ERBB4: variants seen among roughly 807,000 people sequenced by gnomAD.
ERBB4 encodes receptor tyrosine-protein kinase erbB-4.
A neutral mutation model predicts 158.0 loss-of-function variants in ERBB4; 42 were observed. The observed-to-expected ratio is 0.27, with a 90% CI of 0.21 to 0.34. ERBB4 has a LOEUF of 0.34. Ranked by LOEUF, ERBB4 falls within the 10% of genes least tolerant of loss-of-function variation. ERBB4 has a pLI of 1.00. For synonymous variants in ERBB4, 583 were observed against 558.7 expected (o/e 1.04, Z -0.61); for missense variants, 1,333 against 1,624.1 (o/e 0.82, Z 3.08).
intron 3 of ERBB4, among the ~76,000 whole-genome samples, chr2:211,943,750 G>A (rs1229265115): frequency 6.6e-6 from 1 of 152,014 alleles, no homozygotes; most frequent in Non-Finnish European, 1.5e-5. Flanking sequence ...CAGAAAAATA[G>A]GTTTAAATCC....
intron 4 of ERBB4, among the ~76,000 whole-genome samples, chr2:211,782,708 C>T (rs559181249): frequency 6.6e-6 from 1 of 152,232 alleles, no homozygotes; most frequent in African/African-American, 2.4e-5. Flanking sequence ...TTTCTGAGGG[C>T]TCTGTTCTGT....
chr2:212,171,364 C>A (rs1287718341), intron 1 of ERBB4, among the ~76,000 whole-genome samples: 1 of 151,424 alleles, frequency 6.6e-6, no homozygotes, highest in Non-Finnish European at 1.5e-5. Flanking sequence ...AGGCAGAGTA[C>A]TTGCCTTGTC....
intron 3 of ERBB4, among the ~76,000 whole-genome samples, chr2:211,812,834 A>G (rs1392467527): frequency 6.6e-6 from 1 of 152,168 alleles, no homozygotes; most frequent in Non-Finnish European, 1.5e-5. Flanking sequence ...CTCTGTGGGC[A>G]TGGGACCCAC....
chr2:211,450,397 G>A (rs2064215858), intron 20 of ERBB4, among the ~76,000 whole-genome samples: 1 of 152,114 alleles, frequency 6.6e-6, no homozygotes, highest in Non-Finnish European at 1.5e-5. Flanking sequence ...AATCTCATTG[G>A]CTACAGTGTG....
chr2:212,238,988 C>T lies in ERBB4; in HGVS notation c.83-114085G>A, dbSNP rs13388409. ...GGAGTCTGGGCTTCAAGTTCTGGTT[C>T]AGTTCAAACACTTATTAATTAATGG... On this transcript the variant is annotated intron_variant, in intron 1 of 27. Transcript: ENST00000342788. Among the ~76,000 whole-genome samples the T allele has an allele frequency of 1.3e-3, 196 of 152,244 alleles. 1 individual carries two copies. The highest frequency in any genetic ancestry group is 2.5e-3 in the Non-Finnish European group (170 of 68,010).
At chr2:211,515,900 A>G (rs1039903950) in intron 20 of ERBB4, among the ~76,000 whole-genome samples, 9 of 87,306 alleles carry the variant, frequency 1.0e-4, no homozygotes, top group Admixed American at 5.8e-4. Context: ...CATATATTAT[A>G]TATATATATA....
chr2:211,600,781 T>G (rs1022061157), intron 19 of ERBB4, among the ~76,000 whole-genome samples: 30 of 152,136 alleles, frequency 2.0e-4, no homozygotes, highest in Admixed American at 6.5e-5. Flanking sequence ...TGGTTTTTTT[T>G]GAATGTCCAC....
chr2:211,550,562 C>T (rs2067060806), intron 20 of ERBB4, among the ~76,000 whole-genome samples: 1 of 134,636 alleles, frequency 7.4e-6, no homozygotes, highest in Non-Finnish European at 1.6e-5. Flanking sequence ...ATCTCATGAG[C>T]TCATTCCTTA....
intron 2 of ERBB4, among the ~76,000 whole-genome samples, chr2:212,033,365 TG>T (rs2076945173): frequency 6.6e-6 from 1 of 151,942 alleles, no homozygotes; most frequent in African/African-American, 2.4e-5. Flanking sequence ...TATTAAATTT[TG>T]TAATGCAGCT....
At chr2:211,462,109 A>C (rs1028750022) in intron 20 of ERBB4, among the ~76,000 whole-genome samples, 4 of 151,974 alleles carry the variant, frequency 2.6e-5, no homozygotes, top group Admixed American at 6.5e-5. Context: ...TGATGCTGGC[A>C]TCTGCTTGGC....
intron 20 of ERBB4, among the ~76,000 whole-genome samples, chr2:211,525,606 C>A (rs1051970731): frequency 6.6e-6 from 1 of 152,076 alleles, no homozygotes; most frequent in Non-Finnish European, 1.5e-5. Context: ...GGCACCAGGT[C>A]GGCCACACAC....
rs552338425 is a variant in ERBB4 at position 212,150,443 on chromosome 2, A to C, written c.83-25540T>G. Among the ~76,000 whole-genome samples the C allele has an allele frequency of 2.6e-5, 4 of 152,324 alleles. No homozygotes were observed. In the South Asian group the frequency reaches 8.3e-4, roughly 32 times the overall value. On this transcript the variant is annotated intron_variant, in intron 1 of 27. Coordinates refer to ENST00000342788, the MANE Select transcript of ERBB4 (RefSeq NM_005235.3). Reference sequence around the variant, plus strand: ...CATGTACAACAACTTATTTCCAAATAAGGTCACAATCTACAATACTAGAGG... The same window carrying C: ...CATGTACAACAACTTATTTCCAAATCAGGTCACAATCTACAATACTAGAGG...
chr2:212,389,374 A>T (rs1332328472), intron 1 of ERBB4, among the ~76,000 whole-genome samples: 1 of 152,052 alleles, frequency 6.6e-6, no homozygotes, highest in Non-Finnish European at 1.5e-5. Context: ...AAAGTTGCTG[A>T]TTTTACTTAG....
chr2:211,856,238 A>C (rs1020898937), intron 3 of ERBB4, among the ~76,000 whole-genome samples: 1 of 152,166 alleles, frequency 6.6e-6, no homozygotes, highest in Non-Finnish European at 1.5e-5. Context: ...GGAAGTCCTC[A>C]TAGGTTACTT....
At chr2:212,422,850 T>C (rs1207527351) in intron 1 of ERBB4, among the ~76,000 whole-genome samples, 1 of 152,160 alleles carries the variant, frequency 6.6e-6, no homozygotes, top group Non-Finnish European at 1.5e-5. Context: ...CTAAGGTAAA[T>C]ATAAATATGT....
intron 1 of ERBB4, among the ~76,000 whole-genome samples, chr2:212,206,964 C>A (rs867849485): frequency 6.7e-6 from 1 of 148,782 alleles, no homozygotes; most frequent in African/African-American, 2.5e-5. Context: ...ATTTTATGGA[C>A]TGCAATTAAC....
intron 25 of ERBB4, among the ~76,000 whole-genome samples, chr2:211,397,224 T>C (rs2062939045): frequency 6.6e-6 from 1 of 152,132 alleles, no homozygotes; most frequent in East Asian, 1.9e-4. Flanking sequence ...TTGCTGCATA[T>C]AAAAAGGAAG....
chr2:212,058,230 A>T (rs2077642317), intron 2 of ERBB4, among the ~76,000 whole-genome samples: 1 of 152,226 alleles, frequency 6.6e-6, no homozygotes, highest in African/African-American at 2.4e-5. Flanking sequence ...CCCTCCCAAG[A>T]CTAAACCAGG....
intron 1 of ERBB4, among the ~76,000 whole-genome samples, chr2:212,140,415 ATATATGT>A (rs1247337943): frequency 8.4e-5 from 12 of 142,266 alleles, no homozygotes; most frequent in African/African-American, 2.8e-4. Context: ...ATATATTTAT[ATATATGT>A]TATATATATA....
Sources: allele counts gnomAD v4.1 joint callset (sites outside exome capture counted in the v4.1 genomes callset), GRCh38; gene constraint gnomAD v4.1.1; transcripts MANE v1.5; gene names NCBI Gene and HGNC (gene_info 2026-07-23, HGNC 2026-07-21).